The following BAG4 variants were observed in gnomAD, a reference collection of about 807,000 sequenced individuals.
The protein encoded by BAG4 is BAG cochaperone 4.
A neutral mutation model predicts 52.1 loss-of-function variants in BAG4; 28 were observed. The observed-to-expected ratio is 0.54, with a 90% CI of 0.40 to 0.74. BAG4 has a LOEUF of 0.74. BAG4 is among the 30% of genes least tolerant of loss of function. BAG4 has a pLI of 0.00. For missense variants in BAG4, 525 were observed against 572.0 expected, an observed-to-expected ratio of 0.92 and a Z score of 0.84; for synonymous variants, 208 against 217.0, an observed-to-expected ratio of 0.96 and a Z score of 0.37.
At position 38,205,202 on chromosome 8, in the gene BAG4, A is replaced by ATTTTT. The variant is rs35284937; in HGVS notation, c.379-2285_379-2281dup. ...GTGCCATACCACGCCCAGCTAATTA[A>ATTTTT]TTTTTTTTTTTTTTTTTTTTTTTTT... On this transcript the variant is annotated intron_variant, in intron 2 of 4. Transcript: ENST00000287322. 3.4e-3 allele frequency among the ~76,000 whole-genome samples: 268 copies of ATTTTT among 79,344 alleles called. 1 individual carries two copies. The highest frequency in any genetic ancestry group is 5.4e-3 in the East Asian group (12 of 2,242). The allele number at this position is 79,344 out of a possible 152,430, so 52.1% of individuals were successfully genotyped here.
Position 38,209,013 on chromosome 8 carries a change from A to C in BAG4, c.634A>C (p.Asn212His). ...GQVPGYPPSQ[N>H]PGMTLPHYPY... is the part of the protein sequence containing the mutation. ...GGTATATTTCTTCTTCTCAATCTAG[A>C]ACCCTGGAATGACCCTGCCCCATTA... The change falls in exon 4 of 5, where the codon AAC becomes CAC. Residue 212 changes from asparagine to histidine, a missense_variant and splice_region_variant. Physicochemically the swap from Asn to His is moderately conservative, Grantham distance 68. This residue lies in a region of BAG4 where 238 missense variants were observed against 305.8 expected (regional missense o/e 0.78). Transcript: ENST00000287322. 6.2e-7 allele frequency: 1 copy of C among 1,612,548 alleles called. No homozygotes were observed. The highest frequency in any genetic ancestry group is 8.5e-7 in the Non-Finnish European group (1 of 1,178,836).
intron 1 of BAG4, 148 bp downstream of exon 1, chr8:38,177,287 T>G: frequency 9.3e-7 from 1 of 1,079,800 alleles, no homozygotes; most frequent in East Asian, 2.8e-5. Flanking sequence ...GATCAGAGGT[T>G]GGGGGGACAT....
chr8:38,184,833 A>G (rs112791537), intron 1 of BAG4, among the ~76,000 whole-genome samples: 36,783 of 152,074 alleles, frequency 0.24, 4,617 homozygotes, highest in East Asian at 0.31. Context: ...GCTCACGCCT[A>G]TAATCCCAGC....
chr8:38,180,177 T>G (rs1330964941), intron 1 of BAG4, among the ~76,000 whole-genome samples: 1 of 152,250 alleles, frequency 6.6e-6, no homozygotes, highest in East Asian at 1.9e-4. Context: ...TTCTGAAACT[T>G]TAAAAGTATA....
At chr8:38,192,876 A>T in intron 2 of BAG4, 81 bp downstream of exon 2, 5 of 1,029,904 alleles carry the variant, frequency 4.9e-6, no homozygotes, top group Non-Finnish European at 7.0e-6. Flanking sequence ...ATTTTAGAGC[A>T]GTGATGAGTG....
At chr8:38,182,059 A>G (rs1423530634) in intron 1 of BAG4, among the ~76,000 whole-genome samples, 1 of 152,134 alleles carries the variant, frequency 6.6e-6, no homozygotes, top group Non-Finnish European at 1.5e-5. Context: ...ATCTTACAGT[A>G]AGGGAAGTAG....
At chr8:38,198,712 C>T (rs916773200) in intron 2 of BAG4, among the ~76,000 whole-genome samples, 3 of 151,986 alleles carry the variant, frequency 2.0e-5, no homozygotes, top group Non-Finnish European at 4.4e-5. Flanking sequence ...TGGTCTCGAT[C>T]TCCCAACCTG....
At chr8:38,209,542 A>T (rs1249831266) in intron 4 of BAG4, 3 of 473,082 alleles carry the variant, frequency 6.3e-6, no homozygotes, top group Admixed American at 4.0e-5. Context: ...AAATGCAAAG[A>T]TGCATTTTAC....
chr8:38,212,653 A>T lies in BAG4; in HGVS notation c.*2160A>T, dbSNP rs1803883609. ...CTTCCAGTCTGTGACAGTGTATCAT[A>T]ACAGGGGATACCTGATGTTGTAATG... On this transcript the variant is annotated 3_prime_UTR_variant, in exon 5 of 5. Coordinates refer to ENST00000287322, the MANE Select transcript of BAG4 (RefSeq NM_004874.4). 1 of 152,224 alleles carries T rather than the reference A, an allele frequency of 6.6e-6. No homozygotes were observed. The highest frequency in any genetic ancestry group is 2.4e-5 in the African/African-American group (1 of 41,462). 9.4% of individuals were successfully genotyped at this position (152,224 alleles called of 1,614,324 possible).
intron 1 of BAG4, 63 bp from the exon 2 acceptor site, chr8:38,192,621 TATCA>T: frequency 7.9e-7 from 1 of 1,268,536 alleles, no homozygotes; most frequent in East Asian, 2.4e-5. Flanking sequence ...AACCTGCCTC[TATCA>T]ATCTATCTTA....
At chr8:38,193,950 T>G (rs1416523506) in intron 2 of BAG4, among the ~76,000 whole-genome samples, 2 of 152,116 alleles carry the variant, frequency 1.3e-5, no homozygotes, top group Non-Finnish European at 2.9e-5. Flanking sequence ...TGTTGGCCAG[T>G]ATGGTCTCAA....
intron 1 of BAG4, among the ~76,000 whole-genome samples, chr8:38,178,149 C>T (rs993413393): frequency 6.6e-6 from 1 of 151,186 alleles, no homozygotes; most frequent in Non-Finnish European, 1.5e-5. Context: ...GTAGAAATGT[C>T]GTTTTTTTTG....
At chr8:38,194,608 G>A (rs1465293472) in intron 2 of BAG4, among the ~76,000 whole-genome samples, 1 of 150,696 alleles carries the variant, frequency 6.6e-6, no homozygotes, top group East Asian at 2.0e-4. Context: ...TAGAGATGGG[G>A]TTTCACCGTG....
At position 38,210,625 on chromosome 8, in the gene BAG4, C is replaced by A; in HGVS notation, c.*132C>A. The A allele has an allele frequency of 8.3e-7, 1 of 1,207,522 alleles. No homozygotes were observed. The highest frequency in any genetic ancestry group is 1.1e-6 in the Non-Finnish European group (1 of 897,200). The allele number at this position is 1,207,522 out of a possible 1,614,324, so 74.8% of individuals were successfully genotyped here. On this transcript the variant is annotated 3_prime_UTR_variant, in exon 5 of 5. Coordinates refer to ENST00000287322, the MANE Select transcript of BAG4 (RefSeq NM_004874.4). ...ATTCCAGCTTTCCTTTGATTTTATA[C>A]TTGAAAAACTGGCAAAGGAATGGAA...
At chr8:38,188,568 CATAT>C (rs1184735520) in intron 1 of BAG4, among the ~76,000 whole-genome samples, 3 of 150,192 alleles carry the variant, frequency 2.0e-5, no homozygotes, top group African/African-American at 4.9e-5. Context: ...CATATAAATA[CATAT>C]ATATACGTGT....
At chr8:38,198,494 GTT>G (rs368761607) in intron 2 of BAG4, among the ~76,000 whole-genome samples, 1 of 106,782 alleles carries the variant, frequency 9.4e-6, no homozygotes. Flanking sequence ...TTTGTTTTTT[GTT>G]TTTTTTTTTT....
In BAG4 at chr8:38,209,136, G is replaced by A. The variant is rs769758134; in HGVS notation, c.757G>A (p.Gly253Ser). 13 of 1,614,004 alleles carry A rather than the reference G, an allele frequency of 8.1e-6. No homozygotes were observed. In the East Asian group the frequency reaches 2.4e-4, roughly 30 times the overall value. The change falls in exon 4 of 5, where the codon GGC (glycine) becomes AGC (serine). Residue 253 changes from glycine (G) to serine (S), a missense_variant. Transcript: ENST00000287322. ...WASPGAYGMG[G>S]RYPWPSSAPS... ...TTCTCCTGGTGCTTATGGAATGGGTGGCCGTTATCCCTGGCCTTCATCAGC... is the reference window on the plus strand; with the variant it reads ...TTCTCCTGGTGCTTATGGAATGGGTAGCCGTTATCCCTGGCCTTCATCAGC...
At chr8:38,209,366 A>G (rs1193445446) in intron 4 of BAG4, 99 bp downstream of exon 4, 20 of 1,506,484 alleles carry the variant, frequency 1.3e-5, no homozygotes, top group South Asian at 3.9e-5. Flanking sequence ...AATGGGGACT[A>G]ATTACAAAAA....
In BAG4 at chr8:38,210,804, C is replaced by T. The variant is rs1029470127; in HGVS notation, c.*311C>T. ...ACCAGCAGGAGGGAAACACACTTCACACAACAGGCTTATCAGAAACCTACC... is the reference window on the plus strand; with the variant it reads ...ACCAGCAGGAGGGAAACACACTTCATACAACAGGCTTATCAGAAACCTACC... On this transcript the variant is annotated 3_prime_UTR_variant, in exon 5 of 5. Coordinates refer to ENST00000287322, the MANE Select transcript of BAG4 (RefSeq NM_004874.4). 2 of 220,768 alleles carry T rather than the reference C, an allele frequency of 9.1e-6. No individual in the cohort carries two copies. The highest frequency in any genetic ancestry group is 2.3e-5 in the African/African-American group (1 of 43,062). The allele number at this position is 220,768 out of a possible 1,614,324, so 13.7% of individuals were successfully genotyped here.
Sources: allele counts gnomAD v4.1 joint callset (sites outside exome capture counted in the v4.1 genomes callset), GRCh38; gene constraint gnomAD v4.1.1; regional missense constraint gnomAD v4.1.1; transcripts MANE v1.5; gene names NCBI Gene and HGNC (gene_info 2026-07-23, HGNC 2026-07-21).